Variants in CNTN5 observed in about 807,000 individuals in gnomAD.
CNTN5 encodes the protein contactin-5.
CNTN5 carries 77 observed loss-of-function variants against 129.1 expected under a neutral mutation model. The ratio of observed to expected loss-of-function variants is 0.60; its 90% CI spans 0.50 to 0.72. CNTN5 has a LOEUF of 0.72. CNTN5 is among the 30% of genes least tolerant of loss of function. CNTN5 has a pLI of 0.00. For missense variants in CNTN5, 1,478 were observed against 1,328.8 expected, an observed-to-expected ratio of 1.11 and a Z score of -1.75; for synonymous variants, 509 against 465.6, an observed-to-expected ratio of 1.09 and a Z score of -1.20.
At chr11:100,103,768 G>A (rs1945314228) in intron 13 of CNTN5, among the ~76,000 whole-genome samples, 1 of 152,082 alleles carries the variant, frequency 6.6e-6, no homozygotes, top group African/African-American at 2.4e-5. Context: ...AGCTATAATA[G>A]ACCACCCTCT....
intron 12 of CNTN5, among the ~76,000 whole-genome samples, chr11:100,072,989 G>GAAAAAAAAAAAAAAAAAAA (rs1943983679): frequency 5.6e-5 from 1 of 18,008 alleles, no homozygotes; most frequent in African/African-American, 3.6e-4. Context: ...TTCCCAGGAG[G>GAAAAAAAAAAAAAAAAAAA]CAAAAAAAAA....
intron 3 of CNTN5, among the ~76,000 whole-genome samples, chr11:99,632,993 C>A (rs1393322114): frequency 6.6e-6 from 1 of 151,932 alleles, no homozygotes; most frequent in Non-Finnish European, 1.5e-5. Flanking sequence ...TGTTTGCATG[C>A]TAAAAAGATA....
intron 2 of CNTN5, among the ~76,000 whole-genome samples, chr11:99,380,051 G>A (rs1047084979): frequency 6.6e-6 from 1 of 150,870 alleles, no homozygotes; most frequent in East Asian, 1.9e-4. Flanking sequence ...AACAAATCCC[G>A]TATACAATGG....
chr11:99,417,972 C>A (rs1042519428), intron 2 of CNTN5, among the ~76,000 whole-genome samples: 1 of 152,084 alleles, frequency 6.6e-6, no homozygotes, highest in African/African-American at 2.4e-5. Context: ...TTAAGTTATG[C>A]TGACTTGGAC....
chr11:99,756,395 A>G (rs1944404959), intron 3 of CNTN5, among the ~76,000 whole-genome samples: 1 of 152,122 alleles, frequency 6.6e-6, no homozygotes. Flanking sequence ...ATAGATTAGC[A>G]TTGCCTTTTC....
chr11:99,644,443 T>C (rs1951876812), intron 3 of CNTN5, among the ~76,000 whole-genome samples: 1 of 152,190 alleles, frequency 6.6e-6, no homozygotes, highest in Non-Finnish European at 1.5e-5. Context: ...TAACTAATAA[T>C]TTAGAAATGA....
intron 3 of CNTN5, among the ~76,000 whole-genome samples, chr11:99,736,885 A>G (rs1244860278): frequency 1.3e-5 from 2 of 152,152 alleles, no homozygotes; most frequent in Non-Finnish European, 2.9e-5. Context: ...CAATAAACAG[A>G]TGGATCAGCT....
chr11:100,008,552 C>T (rs1940330020), intron 9 of CNTN5, among the ~76,000 whole-genome samples: 1 of 152,096 alleles, frequency 6.6e-6, no homozygotes, highest in African/African-American at 2.4e-5. Context: ...CCAGGATTTC[C>T]ATAGTCTCTG....
intron 3 of CNTN5, among the ~76,000 whole-genome samples, chr11:99,586,403 T>TA (rs1480649354): frequency 1.3e-5 from 2 of 152,194 alleles, no homozygotes; most frequent in East Asian, 1.9e-4. Context: ...TTTCTCTAAA[T>TA]AAAAAATGCT....
At chr11:99,546,653 T>C (rs1368021187) in intron 2 of CNTN5, among the ~76,000 whole-genome samples, 1 of 152,168 alleles carries the variant, frequency 6.6e-6, no homozygotes, top group African/African-American at 2.4e-5. Flanking sequence ...ACTTTTGAAA[T>C]TTAGTTATAT....
At chr11:99,903,585 A>G (rs1356304379) in intron 6 of CNTN5, among the ~76,000 whole-genome samples, 1 of 152,078 alleles carries the variant, frequency 6.6e-6, no homozygotes, top group Non-Finnish European at 1.5e-5. Context: ...GGCTGTTCTA[A>G]GTAGAGTCTA....
At chr11:99,337,632 T>C (rs569403540) in intron 2 of CNTN5, among the ~76,000 whole-genome samples, 1 of 152,312 alleles carries the variant, frequency 6.6e-6, no homozygotes, top group Admixed American at 6.5e-5. Context: ...TTGGGTGTTA[T>C]GGCGATTATG....
chr11:99,359,765 T>A (rs1938971725), intron 2 of CNTN5, among the ~76,000 whole-genome samples: 1 of 152,064 alleles, frequency 6.6e-6, no homozygotes, highest in Admixed American at 6.6e-5. Context: ...GCTGTGAGCC[T>A]CTGAAATCGA....
Position 99,667,074 on chromosome 11 carries a change from T to G in CNTN5, c.55+110805T>G, listed in dbSNP as rs146877708. Among the ~76,000 whole-genome samples the G allele has an allele frequency of 4.8e-3, 737 of 152,064 alleles. 29 individuals are homozygous for G. Among genetic ancestry groups the G allele is most frequent in the Admixed American group, 0.044 (668 of 15,254 alleles). Reference sequence around the variant, plus strand: ...GTGATGCTATTAGGATGTGACACATTTAGAGTAGTAGAAAAAGCCAAATTC... The same window carrying G: ...GTGATGCTATTAGGATGTGACACATGTAGAGTAGTAGAAAAAGCCAAATTC... On this transcript the variant is annotated intron_variant, in intron 3 of 24. Transcript: ENST00000524871.
intron 3 of CNTN5, among the ~76,000 whole-genome samples, chr11:99,802,757 G>A (rs1946152967): frequency 6.6e-6 from 1 of 152,122 alleles, no homozygotes. Flanking sequence ...ATGCAGAGGG[G>A]TCCCCTGCAC....
At chr11:99,355,150 T>G (rs1011199863) in intron 2 of CNTN5, among the ~76,000 whole-genome samples, 3 of 152,206 alleles carry the variant, frequency 2.0e-5, no homozygotes, top group Non-Finnish European at 4.4e-5. Flanking sequence ...CACTTTCTAC[T>G]TTCCATTGAT....
intron 2 of CNTN5, among the ~76,000 whole-genome samples, chr11:99,420,045 A>C (rs1388456265): frequency 1.3e-5 from 2 of 152,106 alleles, no homozygotes; most frequent in Non-Finnish European, 2.9e-5. Flanking sequence ...GGTAAATCCA[A>C]GGTGCTGGGG....
Position 100,103,892 on chromosome 11 carries a change from C to CAG in CNTN5, c.1580+29602_1580+29603dup, listed in dbSNP as rs1453400948. On this transcript the variant is annotated intron_variant, in intron 13 of 24. Coordinates refer to ENST00000524871, the MANE Select transcript of CNTN5 (RefSeq NM_014361.4). ...TTGCCAACATACCCACAACAGTTTA[C>CAG]AGAGATTTTTGACTTACAGCAGATA... Among the ~76,000 whole-genome samples the CAG allele has an allele frequency of 3.3e-5, 5 of 152,214 alleles. 1 individual carries two copies. The East Asian group carries it at 9.7e-4, about 29-fold the overall frequency.
chr11:100,188,988 A>G (rs1446859246), intron 13 of CNTN5, among the ~76,000 whole-genome samples: 1 of 152,202 alleles, frequency 6.6e-6, no homozygotes, highest in Non-Finnish European at 1.5e-5. Context: ...ACAGAAAACC[A>G]GTGCCACATG....
Sources: allele counts gnomAD v4.1 joint callset (sites outside exome capture counted in the v4.1 genomes callset), GRCh38; gene constraint gnomAD v4.1.1; transcripts MANE v1.5; gene names NCBI Gene and HGNC (gene_info 2026-07-23, HGNC 2026-07-21).